Variants in NR3C2 observed in about 807,000 individuals in gnomAD.
NR3C2 encodes the protein mineralocorticoid receptor.
Under a neutral mutation model 86.4 loss-of-function variants are expected in NR3C2, and 15 were observed. The ratio of observed to expected loss-of-function variants is 0.17; its 90% CI spans 0.12 to 0.27. The LOEUF (loss-of-function observed/expected upper bound fraction) is 0.27. Among genes scored for constraint, NR3C2 ranks in the 10% least tolerant of loss-of-function variants. The pLI, the probability that NR3C2 is intolerant of heterozygous loss-of-function variation, is 1.00. For synonymous variants in NR3C2, 458 were observed against 450.5 expected (o/e 1.02, Z -0.21); for missense variants, 960 against 1,195.6 (o/e 0.80, Z 2.91).
intron 6 of NR3C2, among the ~76,000 whole-genome samples, chr4:148,133,707 T>C (rs1307381407): frequency 6.6e-6 from 1 of 152,148 alleles, no homozygotes; most frequent in Non-Finnish European, 1.5e-5. Flanking sequence ...TGGCGCAGGA[T>C]GGTGTAGAGA....
rs772311220 is a variant in NR3C2 at position 148,079,664 on chromosome 4, C to G, written c.*1680G>C. 6.6e-6 allele frequency: 1 copy of G among 152,364 alleles called. No individual in the cohort carries two copies. The highest frequency in any genetic ancestry group is 1.9e-4 in the East Asian group (1 of 5,190). The allele number at this position is 152,364 out of a possible 1,614,324, so 9.4% of individuals were successfully genotyped here. On this transcript the variant is annotated 3_prime_UTR_variant, in exon 9 of 9. Transcript: ENST00000358102. ...GCAAGAGAAAAGCCATACATTGCATCAGTGCCAAACAAACAGATTAATGAA... is the reference window on the plus strand; with the variant it reads ...GCAAGAGAAAAGCCATACATTGCATGAGTGCCAAACAAACAGATTAATGAA...
intron 2 of NR3C2, among the ~76,000 whole-genome samples, chr4:148,365,140 T>C (rs1289001898): frequency 6.6e-6 from 1 of 152,068 alleles, no homozygotes; most frequent in Non-Finnish European, 1.5e-5. Flanking sequence ...TGTAAGTACT[T>C]CACAATAAAA....
intron 1 of NR3C2, among the ~76,000 whole-genome samples, chr4:148,439,956 C>G (rs1020888157): frequency 6.6e-6 from 1 of 152,326 alleles, no homozygotes; most frequent in South Asian, 2.1e-4. Flanking sequence ...TCCTGTTTGG[C>G]TAACCTTGAA....
At chr4:148,233,681 G>C (rs990591554) in intron 3 of NR3C2, among the ~76,000 whole-genome samples, 2 of 152,140 alleles carry the variant, frequency 1.3e-5, no homozygotes, top group Non-Finnish European at 2.9e-5. Flanking sequence ...AGCAACGTCT[G>C]AGGAGAGGAA....
At chr4:148,226,699 C>T (rs1044842411) in intron 3 of NR3C2, among the ~76,000 whole-genome samples, 3 of 152,144 alleles carry the variant, frequency 2.0e-5, no homozygotes, top group African/African-American at 7.2e-5. Context: ...TGCTTCCCAC[C>T]AGTGAAGCAT....
intron 2 of NR3C2, among the ~76,000 whole-genome samples, chr4:148,323,575 C>T (rs906314828): frequency 6.6e-6 from 1 of 151,924 alleles, no homozygotes; most frequent in Non-Finnish European, 1.5e-5. Context: ...GGGACATAAT[C>T]TCGTGGTGCG....
At chr4:148,288,610 G>A (rs1446666755) in intron 2 of NR3C2, among the ~76,000 whole-genome samples, 1 of 152,180 alleles carries the variant, frequency 6.6e-6, no homozygotes, top group Non-Finnish European at 1.5e-5. Context: ...TTTGAATCCT[G>A]CCCAGCTGCT....
intron 2 of NR3C2, among the ~76,000 whole-genome samples, chr4:148,335,086 G>C (rs1373046171): frequency 6.6e-6 from 1 of 152,066 alleles, no homozygotes; most frequent in Admixed American, 6.6e-5. Flanking sequence ...TTATATCTGC[G>C]ATGACTTTAT....
chr4:148,347,052 T>C (rs1688246500), intron 2 of NR3C2, among the ~76,000 whole-genome samples: 1 of 152,072 alleles, frequency 6.6e-6, no homozygotes, highest in African/African-American at 2.4e-5. Flanking sequence ...AACCAGGAAG[T>C]AGACCTAAGG....
chr4:148,101,777 A>C (rs13137836), intron 8 of NR3C2, among the ~76,000 whole-genome samples: 25,113 of 152,152 alleles, frequency 0.17, 2,610 homozygotes, highest in Admixed American at 0.29. Context: ...CCACATTCGA[A>C]CTGCTCACTT....
chr4:148,154,503 G>C, intron 5 of NR3C2, 48 bp downstream of exon 5: 1 of 1,579,020 alleles, frequency 6.3e-7, no homozygotes, highest in South Asian at 1.1e-5. Context: ...CAGTTGCCCA[G>C]ACTTGTTAAG....
At chr4:148,130,819 G>GTTTT (rs376180676) in intron 6 of NR3C2, among the ~76,000 whole-genome samples, 7 of 108,882 alleles carry the variant, frequency 6.4e-5, no homozygotes, top group Non-Finnish European at 1.1e-4. Context: ...GTTTTGTTTT[G>GTTTT]TTTTTTTTTT....
intron 6 of NR3C2, among the ~76,000 whole-genome samples, chr4:148,142,818 C>T (rs1312741800): frequency 1.3e-5 from 2 of 152,108 alleles, no homozygotes; most frequent in Non-Finnish European, 2.9e-5. Flanking sequence ...GATTTCGAAT[C>T]GATGGTTTAG....
intron 6 of NR3C2, among the ~76,000 whole-genome samples, chr4:148,134,634 TC>T (rs1733194623): frequency 1.6e-5 from 2 of 121,470 alleles, no homozygotes; most frequent in African/African-American, 7.1e-5. Context: ...ATTCTCTCTC[TC>T]TCTCTCTCTT....
At chr4:148,398,195 T>G (rs1747958325) in intron 2 of NR3C2, among the ~76,000 whole-genome samples, 1 of 152,214 alleles carries the variant, frequency 6.6e-6, no homozygotes, top group African/African-American at 2.4e-5. Context: ...AAAACCCTAC[T>G]TCCAAATAAG....
rs1742317463 is a variant in NR3C2 at position 148,301,105 on chromosome 4, A to AGTTTT, written c.1758-40989_1758-40988insAAAAC. 2.0e-5 allele frequency among the ~76,000 whole-genome samples: 3 copies of AGTTTT among 152,262 alleles called. No individual in the cohort carries two copies. In the South Asian group the frequency reaches 6.2e-4, roughly 32 times the overall value. On this transcript the variant is annotated intron_variant, in intron 2 of 8. Transcript: ENST00000358102. ...CATGCTTTCCTACCCTTGCTCTTAA[A>AGTTTT]GGGCTCCACCCAGAGGCCAATAATC...
In NR3C2 at chr4:148,221,080, TA is replaced by T. The variant is rs549425628; in HGVS notation, c.1898-26219del. 7.9e-5 allele frequency among the ~76,000 whole-genome samples: 12 copies of T among 152,290 alleles called. No individual in the cohort carries two copies. The South Asian group carries it at 2.3e-3, about 29-fold the overall frequency. ...GATGAGATTATTGTTGAAAATCTGTTAAACTCTGTACATTATATGGGGCTCA... is the reference window on the plus strand; with the variant it reads ...GATGAGATTATTGTTGAAAATCTGTTAACTCTGTACATTATATGGGGCTCA... On this transcript the variant is annotated intron_variant, in intron 3 of 8. Transcript: ENST00000358102.
chr4:148,081,403 C>G lies in NR3C2; in HGVS notation c.2896G>C (p.Asp966His). 6.2e-7 allele frequency: 1 copy of G among 1,614,140 alleles called. No homozygotes were observed. Among genetic ancestry groups the G allele is most frequent in the Non-Finnish European group, 8.5e-7 (1 of 1,180,028 alleles). Reference sequence around the variant, plus strand: ...CCCGACTCCACCTTGGGCAGCTGGTCGCTGATGATCTCCACCAGCATTGCG... The same window carrying G: ...CCCGACTCCACCTTGGGCAGCTGGTGGCTGATGATCTCCACCAGCATTGCG... ...FPAMLVEIIS[D>H]QLPKVESGNA... Residue 966 changes from aspartate (D) to histidine (H), a missense_variant, in exon 9 of 9, where the codon GAC (aspartate) becomes CAC (histidine). Asp to His is a moderately conservative substitution (Grantham distance 81, BLOSUM62 -1). This residue lies in a region of NR3C2 where 151 missense variants were observed against 296.3 expected (regional missense o/e 0.51). Transcript: ENST00000358102.
chr4:148,085,724 A>G (rs1240447609), intron 8 of NR3C2, among the ~76,000 whole-genome samples: 1 of 152,244 alleles, frequency 6.6e-6, no homozygotes, highest in African/African-American at 2.4e-5. Context: ...GAAAAGATCA[A>G]CAAAATAGAT....
Sources: allele counts gnomAD v4.1 joint callset (sites outside exome capture counted in the v4.1 genomes callset), GRCh38; gene constraint gnomAD v4.1.1; regional missense constraint gnomAD v4.1.1; transcripts MANE v1.5; gene names NCBI Gene and HGNC (gene_info 2026-07-23, HGNC 2026-07-21).